Variants in FAT2 observed in about 807,000 individuals in gnomAD.
FAT2 encodes the protein FAT atypical cadherin 2.
A neutral mutation model predicts 295.3 loss-of-function variants in FAT2; 150 were observed. The ratio of observed to expected loss-of-function variants is 0.51; its 90% CI spans 0.44 to 0.58. The LOEUF is 0.58. FAT2 is among the 20% of genes least tolerant of loss of function. FAT2 has a pLI of 0.00. For missense variants in FAT2, 4,868 were observed against 5,442.7 expected, an observed-to-expected ratio of 0.89 and a Z score of 3.32; for synonymous variants, 2,026 against 2,150.3, an observed-to-expected ratio of 0.94 and a Z score of 1.60.
intron 19 of FAT2, among the ~76,000 whole-genome samples, chr5:151,519,254 G>C (rs892726599): frequency 6.6e-6 from 1 of 152,262 alleles, no homozygotes; most frequent in Non-Finnish European, 1.5e-5. Flanking sequence ...TGAGGCAGCA[G>C]ACTTGCTTGA....
intron 19 of FAT2, among the ~76,000 whole-genome samples, chr5:151,518,829 G>T (rs899251542): frequency 2.6e-5 from 4 of 152,142 alleles, no homozygotes; most frequent in African/African-American, 7.2e-5. Context: ...GGGAAGCACT[G>T]CCCTCCCCAG....
intron 20 of FAT2, among the ~76,000 whole-genome samples, chr5:151,514,954 A>T (rs919290407): frequency 6.6e-6 from 1 of 152,224 alleles, no homozygotes; most frequent in South Asian, 2.1e-4. Context: ...TTTCAAAAAT[A>T]TACCTTCTTT....
intron 5 of FAT2, 131 bp from the exon 6 acceptor site, chr5:151,553,518 G>A: frequency 1.3e-6 from 1 of 779,604 alleles, no homozygotes; most frequent in Non-Finnish European, 2.1e-6. Flanking sequence ...TCATTCATCT[G>A]ATGCATACTT....
At chr5:151,510,534 A>AC (rs1249183382) in intron 21 of FAT2, 2 of 184,830 alleles carry the variant, frequency 1.1e-5, no homozygotes, top group Non-Finnish European at 2.3e-5. Context: ...CATCCTCATC[A>AC]GGGGACAGGT....
Position 151,567,315 on chromosome 5 carries a change from TC to T in FAT2, c.1616del (p.Gly539AspfsTer19), listed in dbSNP as rs34607692. Reference protein sequence around the residue: ...YTFRVRASDWGSPFRREKEVS... With the variant: ...YTFRVRASDWXSPFRREKEVS... ...CTTCCTTCTCCCGGCGAAAAGGGGA[TC>T]CCCAGTCTGATGCTCTTACCCGGAA... On this transcript the variant is annotated frameshift_variant, in exon 2 of 24. Transcript: ENST00000261800. LOFTEE classifies it high-confidence loss of function. 6.2e-7 allele frequency: 1 copy of T among 1,614,132 alleles called. No individual in the cohort carries two copies. The highest frequency in any genetic ancestry group is 8.5e-7 in the Non-Finnish European group (1 of 1,180,022).
At position 151,512,722 on chromosome 5, in the gene FAT2, T is replaced by C. The variant is rs1761417140; in HGVS notation, c.11464-116A>G. 1 of 981,114 alleles carries C rather than the reference T, an allele frequency of 1.0e-6. No homozygotes were observed. The highest frequency in any genetic ancestry group is 1.5e-6 in the Non-Finnish European group (1 of 667,220). The allele number at this position is 981,114 out of a possible 1,614,324, so 60.8% of individuals were successfully genotyped here. A position where few individuals can be genotyped will look rare whatever the true frequency, so the allele number is the denominator to read the frequency against. On this transcript the variant is annotated intron_variant, in intron 20 of 23. Coordinates refer to ENST00000261800, the MANE Select transcript of FAT2 (RefSeq NM_001447.3). The surrounding 1 kb of genome is among the most constrained non-coding windows in gnomAD (Gnocchi z 4.1). Reference sequence around the variant, plus strand: ...TTTTTATGGGTAGGAGGGGGGTGTTTGGCTGTTTTAGACATGGCATTTGCA... The same window carrying C: ...TTTTTATGGGTAGGAGGGGGGTGTTCGGCTGTTTTAGACATGGCATTTGCA...
intron 6 of FAT2, among the ~76,000 whole-genome samples, chr5:151,551,976 G>GGGGTGTGTGTGT (rs1554131128): frequency 2.8e-5 from 4 of 143,648 alleles, no homozygotes; most frequent in East Asian, 4.0e-4. Flanking sequence ...TAACCCTAAG[G>GGGGTGTGTGTGT]GTGTGTGTGT....
chr5:151,533,720 C>CAT (rs542926490), intron 13 of FAT2, among the ~76,000 whole-genome samples: 7 of 151,284 alleles, frequency 4.6e-5, no homozygotes, highest in Admixed American at 2.0e-4. Context: ...AGGTTATATA[C>CAT]ATATATATAT....
chr5:151,550,734 G>C lies in FAT2; in HGVS notation c.4434C>G (p.Gly1478=). 1 of 1,614,138 alleles carries C rather than the reference G, an allele frequency of 6.2e-7. No homozygotes were observed. The highest frequency in any genetic ancestry group is 8.5e-7 in the Non-Finnish European group (1 of 1,180,028). ...CATGTATGGTATAGATGAGGCTTTT[G>C]CCCTTGTCTTGATCTATGGCCTGGA... ...LRVQAIDQDK[G]KSLIYTIHGS... is the part of the protein sequence containing the mutation. The change falls in exon 8 of 24, where the codon GGC becomes GGG. Residue 1478 remains glycine, a synonymous_variant. Coordinates refer to ENST00000261800, the MANE Select transcript of FAT2 (RefSeq NM_001447.3).
At chr5:151,585,430 TG>T (rs1381247800) in intron 1 of FAT2, among the ~76,000 whole-genome samples, 5 of 152,202 alleles carry the variant, frequency 3.3e-5, no homozygotes, top group Non-Finnish European at 7.3e-5. Flanking sequence ...CCGACCAACA[TG>T]GTGAAACCCC....
upstream of FAT2, among the ~76,000 whole-genome samples, chr5:151,593,670 C>T (rs529455744): frequency 3.9e-5 from 6 of 152,236 alleles, no homozygotes; most frequent in South Asian, 1.0e-3. Context: ...CCTTTGTGAG[C>T]ACATCCTGAC....
chr5:151,542,736 A>G lies in FAT2; in HGVS notation c.8391T>C (p.Phe2797=), dbSNP rs368504664. ...VGDVNDNRPV[F]EADPYKAVLT... ...GGACAGCCTTATATGGATCAGCCTCAAATACAGGCCTATTGTCATTGACGT... is the reference window on the plus strand; with the variant it reads ...GGACAGCCTTATATGGATCAGCCTCGAATACAGGCCTATTGTCATTGACGT... The change falls in exon 10 of 24, where the codon TTT becomes TTC. Residue 2797 remains phenylalanine, a synonymous_variant. Coordinates refer to ENST00000261800, the MANE Select transcript of FAT2 (RefSeq NM_001447.3). 7 of 1,614,212 alleles carry G rather than the reference A, an allele frequency of 4.3e-6. No individual in the cohort carries two copies. Among genetic ancestry groups the G allele is most frequent in the Non-Finnish European group, 5.1e-6 (6 of 1,180,042 alleles).
chr5:151,518,624 T>C (rs762489096), intron 19 of FAT2, among the ~76,000 whole-genome samples: 4 of 152,182 alleles, frequency 2.6e-5, no homozygotes, highest in Non-Finnish European at 4.4e-5. Context: ...AGCCACTCTA[T>C]GATAAAGAGA....
chr5:151,562,680 T>C (rs1000732588), intron 3 of FAT2, among the ~76,000 whole-genome samples: 18 of 152,250 alleles, frequency 1.2e-4, no homozygotes, highest in Admixed American at 7.9e-4. Context: ...TTTCTAATTT[T>C]ATGTGTTGGC....
chr5:151,506,477 A>G (rs1412717568), intron 23 of FAT2, among the ~76,000 whole-genome samples: 3 of 151,336 alleles, frequency 2.0e-5, no homozygotes, highest in African/African-American at 7.3e-5. Flanking sequence ...GGACTCACTC[A>G]CAGGTGTGAT....
Position 151,568,621 on chromosome 5 carries a change from G to A in FAT2, c.311C>T (p.Thr104Ile), listed in dbSNP as rs1758394271. 1 of 1,614,070 alleles carries A rather than the reference G, an allele frequency of 6.2e-7. No individual in the cohort carries two copies. Among genetic ancestry groups the A allele is most frequent in the South Asian group, 1.1e-5 (1 of 91,080 alleles). ...TCGCACCTCTCTGTTCAGAAGAGCT[G>A]TGTTGCTGCTCTTTGTCCTTATTCT... ...FLRIRTKSSN[T>I]ALLNREVRDS... is the part of the protein sequence containing the mutation. Residue 104 changes from threonine to isoleucine, a missense_variant, in exon 2 of 24, where the codon ACA (threonine) becomes ATA (isoleucine). By Grantham distance (89) the Thr-to-Ile change is moderately conservative. Coordinates refer to ENST00000261800, the MANE Select transcript of FAT2 (RefSeq NM_001447.3).
rs115514549 is a variant in FAT2, at chr5:151,547,424, G to A, written c.4790-1087C>T. 6.7e-3 allele frequency among the ~76,000 whole-genome samples: 1,025 copies of A among 152,254 alleles called. 10 individuals carry two copies. Among genetic ancestry groups the A allele is most frequent in the African/African-American group, 0.022 (909 of 41,548 alleles). On this transcript the variant is annotated intron_variant, in intron 9 of 23. Coordinates refer to ENST00000261800, the MANE Select transcript of FAT2 (RefSeq NM_001447.3). ...TAATGCCATTAAATGAGTAATACTT[G>A]AATTGTTTTGCTCACCACCACAGAT...
intron 9 of FAT2, among the ~76,000 whole-genome samples, chr5:151,547,496 C>T (rs538337271): frequency 6.6e-6 from 1 of 152,282 alleles, no homozygotes; most frequent in South Asian, 2.1e-4. Context: ...TGTCTTATTC[C>T]CTCTATCACG....
At position 151,565,981 on chromosome 5, in the gene FAT2, T is replaced by G. The variant is rs1365344965; in HGVS notation, c.2951A>C (p.Glu984Ala). 1 of 1,613,936 alleles carries G rather than the reference T, an allele frequency of 6.2e-7. No individual in the cohort carries two copies. The highest frequency in any genetic ancestry group is 1.7e-5 in the Admixed American group (1 of 60,022). ...VDLMTGALIL[E>A]RELDFERRAG... ...TCGCCTCTCAAAGTCCAGCTCTCTC[T>G]CCAGAATGAGCGCCCCTGTCATCAG... Residue 984 changes from glutamate (E) to alanine (A), a missense_variant, in exon 2 of 24, where the codon GAG (glutamate) becomes GCG (alanine). Glu to Ala is a moderately radical substitution (Grantham distance 107). Coordinates refer to ENST00000261800, the MANE Select transcript of FAT2 (RefSeq NM_001447.3).
Sources: allele counts gnomAD v4.1 joint callset (sites outside exome capture counted in the v4.1 genomes callset), GRCh38; gene constraint gnomAD v4.1.1; non-coding constraint Gnocchi (gnomAD v3.1); transcripts MANE v1.5; gene names NCBI Gene and HGNC (gene_info 2026-07-23, HGNC 2026-07-21).